PRKN: variants seen among roughly 807,000 people sequenced by gnomAD.
The protein encoded by PRKN is parkin RBR E3 ubiquitin protein ligase.
Under a neutral mutation model 59.5 loss-of-function variants are expected in PRKN, and 56 were observed. The ratio of observed to expected loss-of-function variants is 0.94; its 90% CI spans 0.76 to 1.18. The LOEUF is 1.18. Ranked by LOEUF, PRKN falls within the 50% of genes most tolerant of loss-of-function variation. PRKN has a pLI of 0.00. For synonymous variants in PRKN, 250 were observed against 222.1 expected (o/e 1.13, Z -1.12); for missense variants, 657 against 596.4 (o/e 1.10, Z -1.06).
rs200806599 is a variant in PRKN at position 161,873,885 on chromosome 6, TA to T, written c.735-87978del. On this transcript the variant is annotated intron_variant, in intron 6 of 11. Transcript: ENST00000366898. ...GACCTGTTTTTTGTTTATATATAAA[TA>T]AAAATTATATACTATATATAAAATA... Among the ~76,000 whole-genome samples the T allele has an allele frequency of 2.4e-5, 3 of 125,090 alleles. No individual in the cohort carries two copies. In the South Asian group the frequency reaches 7.1e-4, roughly 30 times the overall value. 82.1% of individuals were successfully genotyped at this position (125,090 alleles called of 152,430 possible).
chr6:162,060,154 A>G (rs1778037603), intron 4 of PRKN, among the ~76,000 whole-genome samples: 1 of 152,194 alleles, frequency 6.6e-6, no homozygotes, highest in Non-Finnish European at 1.5e-5. Flanking sequence ...GTACTCTTTT[A>G]TTTTTAATAT....
Position 161,545,432 on chromosome 6 carries a change from T to C in PRKN, c.1083+3422A>G. On this transcript the variant is annotated intron_variant, in intron 9 of 11. Transcript: ENST00000366898. The surrounding 1 kb of genome is among the most constrained non-coding windows in gnomAD (Gnocchi z 4.1). Reference sequence around the variant, plus strand: ...AGGCAGCTTATTTTGTTCTTCGTTGTCCATACTGTGAGAGCAAAGAGTAAA... The same window carrying C: ...AGGCAGCTTATTTTGTTCTTCGTTGCCCATACTGTGAGAGCAAAGAGTAAA... 1.2e-6 allele frequency: 2 copies of C among 1,609,440 alleles called. No individual in the cohort carries two copies. The highest frequency in any genetic ancestry group is 1.7e-6 in the Non-Finnish European group (2 of 1,176,802).
chr6:161,663,572 A>C (rs1023364657), intron 7 of PRKN, among the ~76,000 whole-genome samples: 7 of 152,178 alleles, frequency 4.6e-5, no homozygotes, highest in Non-Finnish European at 8.8e-5. Context: ...GCCTCACTGC[A>C]GTTCATGCCA....
intron 5 of PRKN, among the ~76,000 whole-genome samples, chr6:162,044,670 T>C (rs1784188086): frequency 6.6e-6 from 1 of 152,188 alleles, no homozygotes; most frequent in South Asian, 2.1e-4. Context: ...CCAGTAGGAT[T>C]ACGGAATGCA....
At position 161,385,460 on chromosome 6, in the gene PRKN, C is replaced by T. The variant is rs141312073; in HGVS notation, c.1167+1334G>A. Among the ~76,000 whole-genome samples, 1 of 152,012 alleles carries T rather than the reference C, an allele frequency of 6.6e-6. No individual in the cohort carries two copies. The highest frequency in any genetic ancestry group is 1.9e-4 in the East Asian group (1 of 5,182). On this transcript the variant is annotated intron_variant, in intron 10 of 11. Transcript: ENST00000366898. The surrounding 1 kb of genome is among the most constrained non-coding windows in gnomAD (Gnocchi z 4.9). ...TTTGGGCTACCTTAATCTTTAACAC[C>T]AAGGCTGGATGGTTCCTCTTGACTG...
intron 4 of PRKN, among the ~76,000 whole-genome samples, chr6:162,073,901 T>C (rs1257283756): frequency 6.6e-6 from 1 of 152,162 alleles, no homozygotes; most frequent in African/African-American, 2.4e-5. Context: ...AAAAGTCACA[T>C]GGAGAAATGC....
At chr6:161,472,324 C>T (rs1174627799) in intron 9 of PRKN, among the ~76,000 whole-genome samples, 1 of 152,106 alleles carries the variant, frequency 6.6e-6, no homozygotes, top group Non-Finnish European at 1.5e-5. Context: ...CAATCCATGA[C>T]ACCTACTATC....
chr6:161,403,268 A>G (rs147916817), intron 9 of PRKN, among the ~76,000 whole-genome samples: 251 of 152,166 alleles, frequency 1.6e-3, no homozygotes, highest in Non-Finnish European at 2.5e-3. Context: ...GGGACCTAAT[A>G]TTCTATATTT....
intron 6 of PRKN, among the ~76,000 whole-genome samples, chr6:161,915,732 T>G (rs1778530983): frequency 6.6e-6 from 1 of 152,234 alleles, no homozygotes; most frequent in Non-Finnish European, 1.5e-5. Flanking sequence ...TATGACAGTT[T>G]AACTTAGCAT....
intron 2 of PRKN, among the ~76,000 whole-genome samples, chr6:162,302,337 G>A (rs986636036): frequency 6.6e-6 from 1 of 151,690 alleles, no homozygotes; most frequent in Admixed American, 6.6e-5. Context: ...TATGTTATAA[G>A]ACATAGGTAG....
intron 7 of PRKN, among the ~76,000 whole-genome samples, chr6:161,724,855 T>A (rs1787373507): frequency 6.6e-6 from 1 of 152,204 alleles, no homozygotes; most frequent in Admixed American, 6.5e-5. Context: ...TAATCCCCAA[T>A]GCTGGAGATG....
In PRKN at chr6:161,942,142, A is replaced by G. The variant is rs79641893; in HGVS notation, c.734+31160T>C. On this transcript the variant is annotated intron_variant, in intron 6 of 11. Coordinates refer to ENST00000366898, the MANE Select transcript of PRKN (RefSeq NM_004562.3). ...ACACTGGCAGTCATTAAAATTGCAG[A>G]ACATTTTACTTCAGTGGTACAACCA... 9.4e-3 allele frequency among the ~76,000 whole-genome samples: 1,427 copies of G among 152,254 alleles called. 21 individuals carry two copies. The highest frequency in any genetic ancestry group is 0.033 in the African/African-American group (1,351 of 41,530).
chr6:161,768,928 C>T (rs1029239302), intron 7 of PRKN, among the ~76,000 whole-genome samples: 4 of 152,156 alleles, frequency 2.6e-5, no homozygotes, highest in Non-Finnish European at 5.9e-5. Context: ...ATTTATACTC[C>T]TACATATACC....
chr6:161,911,338 T>C (rs1778353239), intron 6 of PRKN, among the ~76,000 whole-genome samples: 1 of 152,162 alleles, frequency 6.6e-6, no homozygotes, highest in African/African-American at 2.4e-5. Context: ...CCACCAAATA[T>C]AATACAGATG....
chr6:161,960,604 G>C (rs988392237), intron 6 of PRKN, among the ~76,000 whole-genome samples: 2 of 152,128 alleles, frequency 1.3e-5, no homozygotes, highest in Non-Finnish European at 1.5e-5. Context: ...CACCAGACGA[G>C]GCCATTTGAA....
At chr6:162,625,205 G>A (rs1190221695) in intron 1 of PRKN, among the ~76,000 whole-genome samples, 1 of 152,200 alleles carries the variant, frequency 6.6e-6, no homozygotes, top group Non-Finnish European at 1.5e-5. Flanking sequence ...AACTCACGAT[G>A]AGCGTGTAAC....
At chr6:161,774,395 C>T (rs1369041307) in intron 7 of PRKN, among the ~76,000 whole-genome samples, 1 of 104,472 alleles carries the variant, frequency 9.6e-6, no homozygotes, top group Non-Finnish European at 2.4e-5. Context: ...CACACACACA[C>T]ACACACACAC....
intron 1 of PRKN, among the ~76,000 whole-genome samples, chr6:162,654,840 T>C (rs1459188133): frequency 1.6e-5 from 1 of 61,146 alleles, no homozygotes; most frequent in Non-Finnish European, 3.5e-5. Flanking sequence ...AAGTGCAGAG[T>C]GAAGTGGGGG....
intron 4 of PRKN, among the ~76,000 whole-genome samples, chr6:162,157,214 C>T (rs1782550908): frequency 6.6e-6 from 1 of 152,014 alleles, no homozygotes; most frequent in African/African-American, 2.4e-5. Flanking sequence ...CCCCACCACA[C>T]CCCTGTACCC....
Sources: gnomAD v4.1 joint callset for allele counts (sites outside exome capture counted in the v4.1 genomes callset) on GRCh38, gnomAD v4.1.1 for gene constraint, Gnocchi (gnomAD v3.1) non-coding constraint, MANE v1.5 for transcripts, NCBI Gene and HGNC (gene_info 2026-07-23, HGNC 2026-07-21) for gene names.